Variants in PRMT1 observed in about 807,000 individuals in gnomAD.
PRMT1 encodes the protein protein arginine methyltransferase 1.
A neutral mutation model predicts 47.4 loss-of-function variants in PRMT1; 5 were observed. The ratio of observed to expected loss-of-function variants is 0.11; its 90% CI spans 0.06 to 0.22. The LOEUF is 0.22. Among genes scored for constraint, PRMT1 ranks in the 10% least tolerant of loss-of-function variants. The probability of loss-of-function intolerance (pLI) is 1.00; values close to 1 mark genes in which losing one functional copy is unlikely to be tolerated. For missense variants in PRMT1, 249 were observed against 518.4 expected (o/e 0.48, Z 5.05); for synonymous variants, 227 against 204.6 (o/e 1.11, Z -0.94).
At chr19:49,683,334 T>C (rs1219576257) in intron 5 of PRMT1, among the ~76,000 whole-genome samples, 3 of 152,114 alleles carry the variant, frequency 2.0e-5, no homozygotes, top group Admixed American at 6.6e-5. Flanking sequence ...ATCTAATAGA[T>C]AAAGGCTGTT....
At position 49,687,356 on chromosome 19, in the gene PRMT1, C is replaced by T. The variant is rs532024363; in HGVS notation, c.1032+630C>T. Among the ~76,000 whole-genome samples the T allele has an allele frequency of 2.7e-4, 41 of 151,974 alleles. 1 individual carries two copies. The South Asian group carries it at 2.7e-3, about 10-fold the overall frequency. On this transcript the variant is annotated intron_variant, in intron 10 of 10. Transcript: ENST00000454376. ...GGATGGAAGGCTTGGAGCCTGGAGT[C>T]GCCGGGAGTGGTCTGGGTTGGAAAA... is the stretch of plus-strand genomic sequence containing the variant.
chr19:49,677,070 G>C (rs1568483646), upstream of PRMT1: 1 of 416,002 alleles, frequency 2.4e-6, no homozygotes, highest in Non-Finnish European at 4.1e-6. Flanking sequence ...GATTCTGGAC[G>C]CCAGAGTTGG....
chr19:49,680,295 G>A lies in PRMT1; in HGVS notation c.91-192G>A, dbSNP rs376626464. ...CTGGATGGTGCTCTGGGGGGGTCCT[G>A]GAAGTGGAAAATGGGGTTGTTAGGT... On this transcript the variant is annotated intron_variant, in intron 2 of 10. Transcript: ENST00000454376. The surrounding 1 kb of genome is among the most constrained non-coding windows in gnomAD (Gnocchi z 4.2). 2 of 1,437,342 alleles carry A rather than the reference G, an allele frequency of 1.4e-6. No individual in the cohort carries two copies. Among genetic ancestry groups the A allele is most frequent in the African/African-American group, 1.4e-5 (1 of 71,254 alleles). 89.0% of individuals were successfully genotyped at this position (1,437,342 alleles called of 1,614,324 possible). A position where few individuals can be genotyped will look rare whatever the true frequency, so the allele number is the denominator to read the frequency against.
At position 49,684,648 on chromosome 19, in the gene PRMT1, G is replaced by A. The variant is rs577362881; in HGVS notation, c.556-106G>A. ...GGGGGCGAGGGGTGAGTGCCGCTGC[G>A]ACATGAGGGTGGCCCAGACCAGGGC... is the stretch of plus-strand genomic sequence containing the variant. On this transcript the variant is annotated intron_variant, in intron 6 of 10. Transcript: ENST00000454376. This position sits in a 1 kb window ranked among gnomAD's most constrained non-coding sequence, Gnocchi z 6.2. 1.0e-4 allele frequency: 134 copies of A among 1,290,648 alleles called. 1 individual carries two copies. Among genetic ancestry groups the A allele is most frequent in the East Asian group, 9.2e-4 (36 of 39,320 alleles). 79.9% of individuals were successfully genotyped at this position (1,290,648 alleles called of 1,614,324 possible).
chr19:49,686,274 T>A (rs1235956631), intron 9 of PRMT1, 31 bp downstream of exon 9: 1 of 1,562,332 alleles, frequency 6.4e-7, no homozygotes, highest in African/African-American at 1.4e-5. Flanking sequence ...CTGGGGGCCG[T>A]TCCCGAGCCA....
rs2122961574 is a variant in PRMT1, at chr19:49,681,551, A to G, written c.193-359A>G. On this transcript the variant is annotated intron_variant, in intron 3 of 10. Transcript: ENST00000454376. The surrounding 1 kb of genome is among the most constrained non-coding windows in gnomAD (Gnocchi z 4.4). ...TCAGGAGTTGAAGACCAACCTGGGC[A>G]ATATGGTGAAACCCCATCTGTATGA... 1.3e-5 allele frequency among the ~76,000 whole-genome samples: 2 copies of G among 152,248 alleles called. No individual in the cohort carries two copies. Among genetic ancestry groups the G allele is most frequent in the South Asian group, 2.1e-4 (1 of 4,830 alleles).
Position 49,684,067 on chromosome 19 carries a change from C to T in PRMT1, c.553C>T (p.Leu185=). 8.1e-6 allele frequency: 13 copies of T among 1,614,090 alleles called. No homozygotes were observed. Among genetic ancestry groups the T allele is most frequent in the Non-Finnish European group, 1.0e-5 (12 of 1,179,976 alleles). The change falls in exon 6 of 11, where the codon CTG becomes TTG. Residue 185 remains leucine (L), a splice_region_variant and synonymous_variant. Transcript: ENST00000454376. The surrounding 1 kb of genome is among the most constrained non-coding windows in gnomAD (Gnocchi z 6.2). ...CGTGCTCTATGCCCGGGACAAGTGG[C>T]TGGTGAGGCCCCAGCGGGACGGGTG... ...NTVLYARDKW[L]APDGLIFPDR...
At chr19:49,686,275 T>G in intron 9 of PRMT1, 32 bp downstream of exon 9, 1 of 1,560,962 alleles carries the variant, frequency 6.4e-7, no homozygotes, top group Non-Finnish European at 8.7e-7. Flanking sequence ...TGGGGGCCGT[T>G]CCCGAGCCAG....
At position 49,688,330 on chromosome 19, in the gene PRMT1, C is replaced by G; in HGVS notation, c.*85C>G. ...GCTCCCCCTTCCTCTCCCTCCCTCC[C>G]GCAGAAGGGGGTTTTAGGGGCCTGG... is the stretch of plus-strand genomic sequence containing the variant. On this transcript the variant is annotated 3_prime_UTR_variant, in exon 11 of 11. Transcript: ENST00000454376. This position sits in a 1 kb window ranked among gnomAD's most constrained non-coding sequence, Gnocchi z 5.3. 1 of 1,355,640 alleles carries G rather than the reference C, an allele frequency of 7.4e-7. No homozygotes were observed. Among genetic ancestry groups the G allele is most frequent in the Non-Finnish European group, 1.0e-6 (1 of 953,702 alleles). The allele number at this position is 1,355,640 out of a possible 1,614,324, so 84.0% of individuals were successfully genotyped here.
Position 49,686,250 on chromosome 19 carries a change from C to T in PRMT1, c.910+7C>T, listed in dbSNP as rs926087167. On this transcript the variant is annotated splice_region_variant and intron_variant, in intron 9 of 10. Transcript: ENST00000454376. The stretch of plus-strand genomic sequence containing the variant: ...AGGACCGGCTTCTCCACCAGTGAGG[C>T]GGGGCCCACAGGGCTGGGGGCCGTT... The T allele has an allele frequency of 1.3e-6, 2 of 1,587,608 alleles. No individual in the cohort carries two copies. Among genetic ancestry groups the T allele is most frequent in the East Asian group, 4.7e-5 (2 of 43,002 alleles).
At chr19:49,686,566 G>GGGGGGGGGGGGGCC in intron 9 of PRMT1, 39 bp from the exon 10 acceptor site, 1 of 1,315,716 alleles carries the variant, frequency 7.6e-7, no homozygotes. Context: ...GTTGGGGGGG[G>GGGGGGGGGGGGGCC]CAGCAGGCCG....
rs2082125081 is a variant in PRMT1, at chr19:49,682,035, T to C, written c.318T>C (p.Ala106=). The C allele has an allele frequency of 1.2e-6, 2 of 1,614,154 alleles. No homozygotes were observed. The highest frequency in any genetic ancestry group is 1.3e-5 in the African/African-American group (1 of 75,054). The change falls in exon 4 of 11, where the codon GCT becomes GCC. Residue 106 remains alanine (A), a synonymous_variant. Coordinates refer to ENST00000454376, the MANE Select transcript of PRMT1 (RefSeq NM_001536.6). Reference sequence around the variant, plus strand: ...GCACCGGCATCCTCTGCATGTTTGCTGCCAAGGCCGGGGCCCGCAAGGTCA... The same window carrying C: ...GCACCGGCATCCTCTGCATGTTTGCCGCCAAGGCCGGGGCCCGCAAGGTCA... ...GSGTGILCMF[A]AKAGARKVIG...
At chr19:49,679,682 T>G in intron 1 of PRMT1, 190 bp from the exon 2 acceptor site, 25 of 615,364 alleles carry the variant, frequency 4.1e-5, no homozygotes, top group East Asian at 9.5e-5. Context: ...GACCCCCCTT[T>G]CTTCTCCCCT....
Position 49,686,171 on chromosome 19 carries a change from T to A in PRMT1, c.838T>A (p.Tyr280Asn). The A allele has an allele frequency of 1.2e-6, 2 of 1,614,084 alleles. No individual in the cohort carries two copies. Among genetic ancestry groups the A allele is most frequent in the Non-Finnish European group, 1.7e-6 (2 of 1,179,976 alleles). Residue 280 changes from tyrosine (Y) to asparagine (N), a missense_variant, in exon 9 of 11, where the codon TAC becomes AAC. Coordinates refer to ENST00000454376, the MANE Select transcript of PRMT1 (RefSeq NM_001536.6). ...PFCLQVKRNDYVHALVAYFNI... is the reference protein window; with the variant it reads ...PFCLQVKRNDNVHALVAYFNI... Reference sequence around the variant, plus strand: ...CTGCCTGCAAGTGAAGCGGAATGACTACGTGCACGCCCTGGTGGCCTACTT... The same window carrying A: ...CTGCCTGCAAGTGAAGCGGAATGACAACGTGCACGCCCTGGTGGCCTACTT...
rs778550744 is a variant in PRMT1 at position 49,680,603 on chromosome 19, T to C, written c.192+15T>C. 11 of 1,582,128 alleles carry C rather than the reference T, an allele frequency of 7.0e-6. 2 individuals are homozygous for C. The South Asian group carries it at 1.1e-4, about 16-fold the overall frequency. ...GCATCCACGAGGTCAGTGGGGACAG[T>C]CCCCAAGGCCCCAATCTTAGGGGGG... On this transcript the variant is annotated intron_variant, in intron 3 of 10. Transcript: ENST00000454376. This position sits in a 1 kb window ranked among gnomAD's most constrained non-coding sequence, Gnocchi z 4.2.
chr19:49,686,392 CT>C lies in PRMT1; in HGVS notation c.910+151del, dbSNP rs1395439284. Reference sequence around the variant, plus strand: ...CTCTGCCATGTAGCAGTCACGTGGCCTTGGGCAAGTGACCTGAGTGTGCAGT... The same window carrying C: ...CTCTGCCATGTAGCAGTCACGTGGCCTGGGCAAGTGACCTGAGTGTGCAGT... On this transcript the variant is annotated intron_variant, in intron 9 of 10. Transcript: ENST00000454376. The C allele has an allele frequency of 7.8e-6, 10 of 1,277,612 alleles. No homozygotes were observed. In the East Asian group the frequency reaches 2.0e-4, roughly 26 times the overall value. 79.1% of individuals were successfully genotyped at this position (1,277,612 alleles called of 1,614,324 possible). A position where few individuals can be genotyped will look rare whatever the true frequency, so the allele number is the denominator to read the frequency against.
Position 49,688,228 on chromosome 19 carries a change from G to A in PRMT1, c.1099G>A (p.Asp367Asn). The A allele has an allele frequency of 1.9e-6, 3 of 1,613,952 alleles. No individual in the cohort carries two copies. The highest frequency in any genetic ancestry group is 2.2e-5 in the East Asian group (1 of 44,866). The change falls in exon 11 of 11, where the codon GAC becomes AAC. Residue 367 changes from aspartate to asparagine, a missense_variant. Physicochemically the swap from Asp to Asn is conservative, Grantham distance 23 (BLOSUM62 1). This residue lies in a region of PRMT1 where 190 missense variants were observed against 456.7 expected (regional missense o/e 0.42). Coordinates refer to ENST00000454376, the MANE Select transcript of PRMT1 (RefSeq NM_001536.6). This position sits in a 1 kb window ranked among gnomAD's most constrained non-coding sequence, Gnocchi z 5.3. ...GQLCELSCST[D>N]YRMR The stretch of plus-strand genomic sequence containing the variant: ...GCTGTGCGAGCTGTCCTGCTCCACC[G>A]ACTACCGGATGCGCTGAGGCCCGGC...
rs372230543 is a variant in PRMT1, at chr19:49,684,876, C to T, written c.643+35C>T. On this transcript the variant is annotated intron_variant, in intron 7 of 10. Coordinates refer to ENST00000454376, the MANE Select transcript of PRMT1 (RefSeq NM_001536.6). This position sits in a 1 kb window ranked among gnomAD's most constrained non-coding sequence, Gnocchi z 6.2. ...GCCCGGGAGCTGGCGGGCGGGGCCTCGGGTGGGCTGCTGCGGGCTCACCCC... is the reference window on the plus strand; with the variant it reads ...GCCCGGGAGCTGGCGGGCGGGGCCTTGGGTGGGCTGCTGCGGGCTCACCCC... 1.4e-5 allele frequency: 23 copies of T among 1,610,320 alleles called. No homozygotes were observed. Among genetic ancestry groups the T allele is most frequent in the African/African-American group, 9.4e-5 (7 of 74,840 alleles).
Position 49,685,055 on chromosome 19 carries a change from G to A in PRMT1, c.759+18G>A. 1.9e-6 allele frequency: 3 copies of A among 1,614,082 alleles called. No individual in the cohort carries two copies. Among genetic ancestry groups the A allele is most frequent in the East Asian group, 4.5e-5 (2 of 44,880 alleles). ...TCATAAAGGTGAGGGGGTGGGCATG[G>A]CCAGGTGCCCCCTGGGTTGAAACCA... On this transcript the variant is annotated intron_variant, in intron 8 of 10. Transcript: ENST00000454376. The surrounding 1 kb of genome is among the most constrained non-coding windows in gnomAD (Gnocchi z 4.7).
Sources: allele counts gnomAD v4.1 joint callset (sites outside exome capture counted in the v4.1 genomes callset), GRCh38; gene constraint gnomAD v4.1.1; regional missense constraint gnomAD v4.1.1; non-coding constraint Gnocchi (gnomAD v3.1); transcripts MANE v1.5; gene names NCBI Gene and HGNC (gene_info 2026-07-23, HGNC 2026-07-21).